The following TNNT2 variants were observed in gnomAD, a reference collection of about 807,000 sequenced individuals.
The protein encoded by TNNT2 is troponin T2, cardiac type.
Under a neutral mutation model 62.4 loss-of-function variants are expected in TNNT2, and 34 were observed. That is an observed-to-expected ratio of 0.54 (90% CI 0.41 to 0.72). The LOEUF is 0.72. Among genes scored for constraint, TNNT2 ranks in the 30% least tolerant of loss-of-function variants. The pLI is 0.00. For synonymous variants in TNNT2, 123 were observed against 127.2 expected, an observed-to-expected ratio of 0.97 and a Z score of 0.22; for missense variants, 275 against 381.9, an observed-to-expected ratio of 0.72 and a Z score of 2.33.
chr1:201,376,523 G>A (rs1558258402), intron 1 of TNNT2, among the ~76,000 whole-genome samples: 1 of 152,168 alleles, frequency 6.6e-6, no homozygotes, highest in Admixed American at 6.5e-5. Context: ...AGGGCAGGAA[G>A]AGTGGAAGTG....
chr1:201,367,865 C>T (rs533741162), intron 6 of TNNT2, 59 bp from the exon 7 acceptor site: 32 of 1,597,114 alleles, frequency 2.0e-5, no homozygotes, highest in South Asian at 6.6e-5. Context: ...TCCCCCCCTC[C>T]GCCACCAGCA....
intron 1 of TNNT2, among the ~76,000 whole-genome samples, chr1:201,377,188 G>A (rs2102338987): frequency 6.6e-6 from 1 of 152,320 alleles, no homozygotes; most frequent in East Asian, 1.9e-4. Flanking sequence ...GGACCTGACT[G>A]GAAAGGTATA....
intron 11 of TNNT2, chr1:201,363,889 C>CT (rs5780083): frequency 0.018 from 3,042 of 171,184 alleles, 25 homozygotes; most frequent in East Asian, 0.026. Context: ...CTTTTTTTTC[C>CT]TTTTTTTTTT....
chr1:201,372,098 G>C, intron 3 of TNNT2, 47 bp downstream of exon 3: 2 of 1,614,088 alleles, frequency 1.2e-6, no homozygotes, highest in Middle Eastern at 1.6e-4. Context: ...GGTCAGTTTC[G>C]AACCAGGCTG....
intron 5 of TNNT2, chr1:201,368,485 C>T: frequency 1.7e-6 from 1 of 578,240 alleles, no homozygotes; most frequent in Non-Finnish European, 3.3e-6. Flanking sequence ...CCCAACTTTC[C>T]AGCCCAGAAG....
Position 201,366,832 on chromosome 1 carries a change from A to G in TNNT2, c.233+6T>C, listed in dbSNP as rs397516449. The stretch of plus-strand genomic sequence containing the variant: ...CCCGGCTCTACCCAGGTGCCTCCCC[A>G]CTCACCTGGGCTTTGGTTTGGACTC... On this transcript the variant is annotated splice_donor_region_variant and intron_variant, in intron 8 of 16. Coordinates refer to ENST00000656932, the MANE Select transcript of TNNT2 (RefSeq NM_001276345.2). The G allele has an allele frequency of 3.9e-5, 63 of 1,613,134 alleles. No individual in the cohort carries two copies. The highest frequency in any genetic ancestry group is 5.3e-5 in the Non-Finnish European group (62 of 1,179,842).
chr1:201,359,572 G>T, intron 16 of TNNT2, 51 bp downstream of exon 16: 1 of 1,546,442 alleles, frequency 6.5e-7, no homozygotes, highest in African/African-American at 1.4e-5. Context: ...TGGAAGGTAG[G>T]GAAGGAGGGG....
At chr1:201,361,402 A>G in intron 14 of TNNT2, 33 bp from the exon 15 acceptor site, 2 of 1,587,436 alleles carry the variant, frequency 1.3e-6, no homozygotes, top group Non-Finnish European at 1.7e-6. Flanking sequence ...GGGGAGGTCC[A>G]GTAAGAAAGG....
In TNNT2 at chr1:201,369,731, C is replaced by A. The variant is rs1173797341; in HGVS notation, c.97+85G>T. On this transcript the variant is annotated intron_variant, in intron 5 of 16. Coordinates refer to ENST00000656932, the MANE Select transcript of TNNT2 (RefSeq NM_001276345.2). ...CCTGCCGCCTACTCACACCCCCCAG[C>A]CCCCAGAACAGGGCCCCTGGACAAG... 4 of 1,570,598 alleles carry A rather than the reference C, an allele frequency of 2.5e-6. No individual in the cohort carries two copies. In the East Asian group the frequency reaches 6.7e-5, roughly 26 times the overall value.
At chr1:201,366,306 GTCAACCTCTGCTGGCAGGGTTGGC>G in intron 8 of TNNT2, 1 of 1,025,880 alleles carries the variant, frequency 9.7e-7, no homozygotes, top group Non-Finnish European at 1.2e-6. Context: ...GGTGCCATGG[GTCAACCTCTGCTGGCAGGGTTGGC>G]ATCATAAAAA....
Position 201,361,915 on chromosome 1 carries a change from C to T in TNNT2, c.717G>A (p.Leu239=). Residue 239 remains leucine (L), a splice_region_variant and synonymous_variant, in exon 14 of 17, where the codon CTG becomes CTA. Coordinates refer to ENST00000656932, the MANE Select transcript of TNNT2 (RefSeq NM_001276345.2). ...LAIDHLNEDQ[L]REKAKELWQS... ...GGACCATTCCTCCCAGCCCCCACCT[C>T]AGCTGATCTTCATTCAGGTGGTCAA... 1 of 1,613,838 alleles carries T rather than the reference C, an allele frequency of 6.2e-7. No homozygotes were observed. Among genetic ancestry groups the T allele is most frequent in the Non-Finnish European group, 8.5e-7 (1 of 1,179,666 alleles).
At chr1:201,377,077 C>T (rs1222550404) in intron 1 of TNNT2, among the ~76,000 whole-genome samples, 3 of 152,210 alleles carry the variant, frequency 2.0e-5, no homozygotes, top group African/African-American at 7.2e-5. Flanking sequence ...GTTCTCAGTA[C>T]TTCCAGGACA....
intron 10 of TNNT2, 109 bp downstream of exon 10, chr1:201,365,081 TG>T: frequency 1.1e-6 from 1 of 894,410 alleles, no homozygotes; most frequent in Non-Finnish European, 1.9e-6. Flanking sequence ...CACACCTAGC[TG>T]GGTTTGAGGC....
intron 1 of TNNT2, chr1:201,373,503 C>A: frequency 1.7e-6 from 1 of 575,576 alleles, no homozygotes; most frequent in Non-Finnish European, 3.1e-6. Flanking sequence ...TGCCCCTGAA[C>A]AGGCAATACT....
chr1:201,376,689 T>C (rs1661446416), intron 1 of TNNT2, among the ~76,000 whole-genome samples: 1 of 152,060 alleles, frequency 6.6e-6, no homozygotes. Context: ...TGCTCTGAAA[T>C]TCCTTACACA....
chr1:201,365,143 A>G (rs1659415546), intron 10 of TNNT2, 48 bp downstream of exon 10: 2 of 1,499,142 alleles, frequency 1.3e-6, no homozygotes, highest in Admixed American at 3.3e-5. Context: ...GGGATGGAGG[A>G]CAGACTGGGC....
chr1:201,359,343 G>C lies in TNNT2; in HGVS notation c.852-88C>G. ...CTGGGGTAGGACTGGGGTGCCAAAG[G>C]GGAGAGGAGCAGGCTGGAGCTGCCT... On this transcript the variant is annotated intron_variant, in intron 16 of 16. Transcript: ENST00000656932. 5.3e-6 allele frequency: 8 copies of C among 1,517,312 alleles called. No individual in the cohort carries two copies. In the South Asian group the frequency reaches 7.1e-5, roughly 13 times the overall value. The allele number at this position is 1,517,312 out of a possible 1,614,324, so 94.0% of individuals were successfully genotyped here.
intron 12 of TNNT2, among the ~76,000 whole-genome samples, chr1:201,362,661 G>A (rs1371997862): frequency 6.6e-6 from 1 of 152,142 alleles, no homozygotes; most frequent in Non-Finnish European, 1.5e-5. Context: ...CTGAGCTAGG[G>A]ACTAAGCTGG....
At chr1:201,369,953 G>T in intron 4 of TNNT2, 108 bp from the exon 5 acceptor site, 1 of 1,290,302 alleles carries the variant, frequency 7.8e-7, no homozygotes, top group Non-Finnish European at 1.1e-6. Context: ...TTTTAAGAGT[G>T]TGGGCTTTGG....
Sources: allele counts gnomAD v4.1 joint callset (sites outside exome capture counted in the v4.1 genomes callset), GRCh38; gene constraint gnomAD v4.1.1; transcripts MANE v1.5; gene names NCBI Gene and HGNC (gene_info 2026-07-23, HGNC 2026-07-21).